The following SPEN variants were observed in gnomAD, a reference collection of about 807,000 sequenced individuals.
SPEN encodes the protein msx2-interacting protein.
A neutral mutation model predicts 269.9 loss-of-function variants in SPEN; 18 were observed. The ratio of observed to expected loss-of-function variants is 0.07; its 90% CI spans 0.05 to 0.10. SPEN has a LOEUF of 0.10. SPEN is among the 10% of genes least tolerant of loss of function. The pLI, the probability that SPEN is intolerant of heterozygous loss-of-function variation, is 1.00. For missense variants in SPEN, 3,822 were observed against 4,631.2 expected (o/e 0.83, Z 5.07); for synonymous variants, 1,726 against 1,765.7 (o/e 0.98, Z 0.56).
At chr1:15,926,549 T>TG (rs1008084845) in intron 10 of SPEN, among the ~76,000 whole-genome samples, 1 of 152,158 alleles carries the variant, frequency 6.6e-6, no homozygotes, top group Non-Finnish European at 1.5e-5. Flanking sequence ...GAACATCATT[T>TG]AGTAGCAGCT....
In SPEN at chr1:15,931,219, A is replaced by T; in HGVS notation, c.4979A>T (p.Asp1660Val). 1 of 1,614,232 alleles carries T rather than the reference A, an allele frequency of 6.2e-7. No individual in the cohort carries two copies. Among genetic ancestry groups the T allele is most frequent in the Non-Finnish European group, 8.5e-7 (1 of 1,180,042 alleles). ...TCAGCACTAGAGAAGACCACTGGTG[A>T]CAAAACGGTAGAGGCGCCTTTGGTA... ...APSALEKTTGDKTVEAPLVTE... is the reference protein window; with the variant it reads ...APSALEKTTGVKTVEAPLVTE... The change falls in exon 11 of 15, where the codon GAC (aspartate) becomes GTC (valine). Residue 1660 changes from aspartate to valine, a missense_variant. This residue lies in a region of SPEN where 533 missense variants were observed against 618.8 expected (regional missense o/e 0.86). Coordinates refer to ENST00000375759, the MANE Select transcript of SPEN (RefSeq NM_015001.3). The surrounding 1 kb of genome is among the most constrained non-coding windows in gnomAD (Gnocchi z 4.8).
chr1:15,906,621 G>A (rs2070958733), intron 3 of SPEN, among the ~76,000 whole-genome samples: 1 of 151,534 alleles, frequency 6.6e-6, no homozygotes, highest in Non-Finnish European at 1.5e-5. Context: ...GTGCCACCAA[G>A]CCTGGCTAAT....
At chr1:15,915,916 G>T (rs1186513929) in intron 5 of SPEN, among the ~76,000 whole-genome samples, 15 of 151,144 alleles carry the variant, frequency 9.9e-5, no homozygotes, top group African/African-American at 3.4e-4. Flanking sequence ...ATTTTTTTTT[G>T]AAACGTTTAT....
chr1:15,892,591 C>T (rs1277067238), intron 3 of SPEN, among the ~76,000 whole-genome samples: 1 of 152,086 alleles, frequency 6.6e-6, no homozygotes, highest in Non-Finnish European at 1.5e-5. Flanking sequence ...AAAATATAAA[C>T]TGAACTACTT....
intron 1 of SPEN, among the ~76,000 whole-genome samples, chr1:15,872,389 G>A (rs2070588247): frequency 6.6e-6 from 1 of 151,870 alleles, no homozygotes; most frequent in Non-Finnish European, 1.5e-5. Flanking sequence ...TCAGGAGATC[G>A]AGACCATCCT....
At chr1:15,849,120 A>G (rs1458725125) in intron 1 of SPEN, among the ~76,000 whole-genome samples, 2 of 152,234 alleles carry the variant, frequency 1.3e-5, no homozygotes, top group Non-Finnish European at 2.9e-5. Flanking sequence ...AGGCCTCCGC[A>G]TAAAACACTT....
At chr1:15,921,830 T>C (rs796219140) in intron 9 of SPEN, among the ~76,000 whole-genome samples, 16 of 152,376 alleles carry the variant, frequency 1.1e-4, no homozygotes, top group African/African-American at 3.8e-4. Context: ...GATAAGCTAT[T>C]TGATAGCTGA....
intron 3 of SPEN, among the ~76,000 whole-genome samples, chr1:15,897,312 C>T (rs1009400749): frequency 2.6e-5 from 4 of 151,906 alleles, no homozygotes; most frequent in African/African-American, 7.3e-5. Context: ...TCTCAGCCAC[C>T]CGAGTAGCTG....
At chr1:15,936,478 C>CA (rs1028008602) in intron 11 of SPEN, among the ~76,000 whole-genome samples, 125 of 139,540 alleles carry the variant, frequency 9.0e-4, no homozygotes, top group Middle Eastern at 3.6e-3. Context: ...CCATCTCGTA[C>CA]AAAAAAAAAA....
chr1:15,888,974 T>C (rs2070764255), intron 3 of SPEN, among the ~76,000 whole-genome samples: 1 of 152,006 alleles, frequency 6.6e-6, no homozygotes, highest in South Asian at 2.1e-4. Flanking sequence ...GCAGTTTAGG[T>C]GATCTTGTTC....
chr1:15,873,759 C>T (rs2148711000), intron 2 of SPEN: 2 of 1,017,752 alleles, frequency 2.0e-6, no homozygotes, highest in Non-Finnish European at 1.2e-6. Flanking sequence ...TGGAATTACA[C>T]TCTTTGATGG....
In SPEN at chr1:15,937,015, C is replaced by T. The variant is rs773647821; in HGVS notation, c.10027-148C>T. Reference sequence around the variant, plus strand: ...TTACCTGGAACCCCGAAAGCAGCTCCGTTGATTCAGGCTCCTTCTGTGGGC... The same window carrying T: ...TTACCTGGAACCCCGAAAGCAGCTCTGTTGATTCAGGCTCCTTCTGTGGGC... On this transcript the variant is annotated intron_variant, in intron 11 of 14. Coordinates refer to ENST00000375759, the MANE Select transcript of SPEN (RefSeq NM_015001.3). This position sits in a 1 kb window ranked among gnomAD's most constrained non-coding sequence, Gnocchi z 5.7. The T allele has an allele frequency of 1.2e-5, 15 of 1,233,500 alleles. No homozygotes were observed. Among genetic ancestry groups the T allele is most frequent in the Admixed American group, 4.6e-5 (2 of 43,646 alleles). The allele number at this position is 1,233,500 out of a possible 1,614,324, so 76.4% of individuals were successfully genotyped here.
At chr1:15,898,173 T>TTGTGTGTGTGTGTGTG (rs58297957) in intron 3 of SPEN, among the ~76,000 whole-genome samples, 4 of 147,388 alleles carry the variant, frequency 2.7e-5, no homozygotes, top group Non-Finnish European at 4.5e-5. Context: ...TAATTTATCT[T>TTGTGTGTGTGTGTGTG]TGTGTGTGTG....
chr1:15,905,611 T>TCC (rs1212455878), intron 3 of SPEN, among the ~76,000 whole-genome samples: 1 of 151,722 alleles, frequency 6.6e-6, no homozygotes, highest in African/African-American at 2.4e-5. Flanking sequence ...TCTTGCTCTG[T>TCC]CCCCAGGCTG....
intron 3 of SPEN, among the ~76,000 whole-genome samples, chr1:15,901,463 C>G (rs1041728579): frequency 1.3e-5 from 2 of 151,190 alleles, no homozygotes; most frequent in Admixed American, 6.6e-5. Context: ...ATGGCAAGAC[C>G]CTGTCTCTAC....
chr1:15,870,938 G>T (rs1257923738), intron 1 of SPEN, among the ~76,000 whole-genome samples: 1 of 152,250 alleles, frequency 6.6e-6, no homozygotes, highest in South Asian at 2.1e-4. Context: ...TGAGGCTAGG[G>T]ATCTATGTTT....
Position 15,931,331 on chromosome 1 carries a change from G to C in SPEN, c.5091G>C (p.Leu1697=), listed in dbSNP as rs1557759802. 6.2e-7 allele frequency: 1 copy of C among 1,614,144 alleles called. No individual in the cohort carries two copies. Among genetic ancestry groups the C allele is most frequent in the Non-Finnish European group, 8.5e-7 (1 of 1,180,028 alleles). ...SEPAPAPVEQ[L]EQVDLPPGAD... is the part of the protein sequence containing the mutation. Reference sequence around the variant, plus strand: ...CTGCTCCTGCCCCTGTGGAACAGCTGGAACAAGTAGACCTGCCCCCAGGAG... The same window carrying C: ...CTGCTCCTGCCCCTGTGGAACAGCTCGAACAAGTAGACCTGCCCCCAGGAG... Residue 1697 remains leucine (L), a synonymous_variant, in exon 11 of 15, where the codon CTG becomes CTC. Transcript: ENST00000375759. This position sits in a 1 kb window ranked among gnomAD's most constrained non-coding sequence, Gnocchi z 4.8.
chr1:15,897,108 C>T (rs1365220330), intron 3 of SPEN, among the ~76,000 whole-genome samples: 2 of 152,176 alleles, frequency 1.3e-5, no homozygotes, highest in Admixed American at 1.3e-4. Flanking sequence ...GCTCTTTTCC[C>T]GTTAGAAATC....
At chr1:15,894,160 T>A (rs904372719) in intron 3 of SPEN, among the ~76,000 whole-genome samples, 1 of 152,184 alleles carries the variant, frequency 6.6e-6, no homozygotes, top group African/African-American at 2.4e-5. Context: ...CTGAAACATT[T>A]TAGTTTTTTC....
Sources: allele counts gnomAD v4.1 joint callset (sites outside exome capture counted in the v4.1 genomes callset), GRCh38; gene constraint gnomAD v4.1.1; regional missense constraint gnomAD v4.1.1; non-coding constraint Gnocchi (gnomAD v3.1); transcripts MANE v1.5; gene names NCBI Gene and HGNC (gene_info 2026-07-23, HGNC 2026-07-21).